The following ST7L variants were observed in gnomAD, a reference collection of about 807,000 sequenced individuals.
The protein encoded by ST7L is suppressor of tumorigenicity 7 protein-like.
Under a neutral mutation model 72.5 loss-of-function variants are expected in ST7L, and 57 were observed. The ratio of observed to expected loss-of-function variants is 0.79; its 90% CI spans 0.64 to 0.98. The LOEUF (loss-of-function observed/expected upper bound fraction) is 0.98. Ranked by LOEUF, ST7L falls within the 50% of genes least tolerant of loss-of-function variation. The pLI is 0.00. For missense variants in ST7L, 576 were observed against 672.2 expected (o/e 0.86, Z 1.58); for synonymous variants, 221 against 240.9 (o/e 0.92, Z 0.77).
chr1:112,522,548 CTCA>C (rs1652938973), downstream of ST7L: 1 of 152,240 alleles, frequency 6.6e-6, no homozygotes, highest in Non-Finnish European at 1.5e-5. Flanking sequence ...CCTTGGGGTC[CTCA>C]TGTTTTTGAA....
intron 2 of ST7L, among the ~76,000 whole-genome samples, chr1:112,616,100 A>T (rs1437005513): frequency 3.3e-5 from 5 of 152,164 alleles, no homozygotes; most frequent in African/African-American, 9.7e-5. Flanking sequence ...TTCCAAGTCT[A>T]TATGGCAACA....
chr1:112,550,858 GATTT>G (rs944639867), intron 12 of ST7L, among the ~76,000 whole-genome samples, 165 bp from the exon 13 acceptor site: 2 of 152,106 alleles, frequency 1.3e-5, no homozygotes, highest in African/African-American at 4.8e-5. Context: ...GGAAGGATAA[GATTT>G]ATTTAGATAA....
chr1:112,609,445 C>A (rs2101022202), intron 3 of ST7L, among the ~76,000 whole-genome samples: 2 of 151,738 alleles, frequency 1.3e-5, no homozygotes, highest in African/African-American at 4.8e-5. Context: ...GAAGGAGAAT[C>A]ACTTGAACCC....
chr1:112,599,175 C>A (rs528264209), intron 4 of ST7L, among the ~76,000 whole-genome samples: 2 of 130,832 alleles, frequency 1.5e-5, no homozygotes, highest in African/African-American at 5.7e-5. Context: ...TTTTCAAGAT[C>A]TTCAGGAAAT....
intron 11 of ST7L, among the ~76,000 whole-genome samples, chr1:112,559,876 G>C (rs1571015568): frequency 6.6e-6 from 1 of 151,898 alleles, no homozygotes; most frequent in African/African-American, 2.4e-5. Flanking sequence ...CTACTCGGGA[G>C]GCTGAGGCAG....
At position 112,578,333 on chromosome 1, in the gene ST7L, T is replaced by C; in HGVS notation, c.1142+12A>G. 1 of 1,612,386 alleles carries C rather than the reference T, an allele frequency of 6.2e-7. No homozygotes were observed. Among genetic ancestry groups the C allele is most frequent in the Non-Finnish European group, 8.5e-7 (1 of 1,178,430 alleles). ...AGTCTTTCCAAATCATTGTAGTTTT[T>C]ATAACACGTACTTTTCTGAAACAGT... On this transcript the variant is annotated intron_variant, in intron 10 of 14. Transcript: ENST00000358039.
chr1:112,531,229 A>C (rs966422236), intron 14 of ST7L, among the ~76,000 whole-genome samples: 2 of 152,256 alleles, frequency 1.3e-5, no homozygotes, highest in African/African-American at 2.4e-5. Context: ...GATATAAAAG[A>C]GGTATATAAA....
rs1659443945 is a variant in ST7L, at chr1:112,557,762, G to T, written c.1246-1744C>A. 2.0e-5 allele frequency among the ~76,000 whole-genome samples: 3 copies of T among 152,152 alleles called. No individual in the cohort carries two copies. In the South Asian group the frequency reaches 6.2e-4, roughly 32 times the overall value. On this transcript the variant is annotated intron_variant, in intron 11 of 14. Transcript: ENST00000358039. Reference sequence around the variant, plus strand: ...TGGGGAGTGAGGAGAACAGCAGGAGGACATAAACAAAGCACAGGGCCATCT... The same window carrying T: ...TGGGGAGTGAGGAGAACAGCAGGAGTACATAAACAAAGCACAGGGCCATCT...
At position 112,525,817 on chromosome 1, in the gene ST7L, T is replaced by C; in HGVS notation, c.*196A>G. 1.6e-6 allele frequency: 1 copy of C among 621,658 alleles called. No individual in the cohort carries two copies. The highest frequency in any genetic ancestry group is 3.0e-5 in the East Asian group (1 of 32,938). 38.5% of individuals were successfully genotyped at this position (621,658 alleles called of 1,614,324 possible). ...AAAAGGAAGACAATTTCATCTACAG[T>C]TGTCCTTTTTGACAGCTTCCAAGGG... On this transcript the variant is annotated 3_prime_UTR_variant, in exon 15 of 15. Transcript: ENST00000358039.
chr1:112,555,728 T>A, intron 12 of ST7L, 140 bp downstream of exon 12: 1 of 688,360 alleles, frequency 1.5e-6, no homozygotes, highest in Admixed American at 3.3e-5. Context: ...AAACCAAATA[T>A]CTCATCACTA....
At chr1:112,544,467 G>A (rs767875198) in intron 13 of ST7L, among the ~76,000 whole-genome samples, 1 of 152,198 alleles carries the variant, frequency 6.6e-6, no homozygotes, top group Admixed American at 6.5e-5. Context: ...AGAAACATTA[G>A]AAACTGTAGA....
chr1:112,583,394 AT>A (rs1363757864), intron 7 of ST7L, among the ~76,000 whole-genome samples: 1 of 152,218 alleles, frequency 6.6e-6, no homozygotes, highest in Non-Finnish European at 1.5e-5. Flanking sequence ...GGTAGAGCAT[AT>A]CTAAGAACAG....
chr1:112,539,619 G>A (rs1036756346), intron 14 of ST7L: 1 of 840,570 alleles, frequency 1.2e-6, no homozygotes, highest in African/African-American at 1.9e-5. Flanking sequence ...TCACGCCATT[G>A]CACTCTAGTC....
intron 11 of ST7L, among the ~76,000 whole-genome samples, chr1:112,570,184 A>G (rs929266334): frequency 1.3e-5 from 2 of 152,154 alleles, no homozygotes; most frequent in African/African-American, 4.8e-5. Flanking sequence ...ATAGCTAAAT[A>G]ATGAAGAATA....
At chr1:112,592,293 C>A (rs1665839312) in intron 5 of ST7L, among the ~76,000 whole-genome samples, 1 of 152,082 alleles carries the variant, frequency 6.6e-6, no homozygotes, top group African/African-American at 2.4e-5. Context: ...CAAACTGGCC[C>A]ATTTCAAGTT....
chr1:112,566,963 G>A (rs534647773), intron 11 of ST7L, among the ~76,000 whole-genome samples: 1 of 152,106 alleles, frequency 6.6e-6, no homozygotes, highest in Non-Finnish European at 1.5e-5. Context: ...CATTTCTCTT[G>A]GGTATATACC....
intron 11 of ST7L, among the ~76,000 whole-genome samples, chr1:112,573,204 TG>T (rs1173921347): frequency 6.6e-6 from 1 of 151,620 alleles, no homozygotes; most frequent in Non-Finnish European, 1.5e-5. Context: ...CAAAATTAGC[TG>T]GGTATGGTGG....
At chr1:112,610,232 T>G (rs1194451626) in intron 3 of ST7L, among the ~76,000 whole-genome samples, 2 of 152,172 alleles carry the variant, frequency 1.3e-5, no homozygotes, top group African/African-American at 4.8e-5. Context: ...CTTTCCTTCC[T>G]ACTGATTGGA....
chr1:112,547,193 C>CTTT (rs759140130), intron 13 of ST7L, among the ~76,000 whole-genome samples: 1 of 137,520 alleles, frequency 7.3e-6, no homozygotes, highest in African/African-American at 2.7e-5. Context: ...TTCTTTCTTT[C>CTTT]TTTTTTTTTT....
Sources: gnomAD v4.1 joint callset for allele counts (sites outside exome capture counted in the v4.1 genomes callset) on GRCh38, gnomAD v4.1.1 for gene constraint, MANE v1.5 for transcripts, NCBI Gene and HGNC (gene_info 2026-07-23, HGNC 2026-07-21) for gene names.